Variants in MTUS2 observed in about 807,000 individuals in gnomAD.
The protein encoded by MTUS2 is microtubule-associated tumor suppressor candidate 2.
Under a neutral mutation model 114.1 loss-of-function variants are expected in MTUS2, and 40 were observed. The observed-to-expected ratio is 0.35, with a 90% confidence interval of 0.27 to 0.46. The LOEUF (loss-of-function observed/expected upper bound fraction) is 0.46, where lower values mean the gene tolerates loss of function less well. MTUS2 is among the 20% of genes least tolerant of loss of function. The probability of loss-of-function intolerance (pLI) is 1.00; values close to 1 mark genes in which losing one functional copy is unlikely to be tolerated. For synonymous variants in MTUS2, 688 were observed against 672.0 expected (o/e 1.02, Z -0.37); for missense variants, 1,679 against 1,705.4 (o/e 0.98, Z 0.27).
At chr13:29,235,303 G>A (rs562916161) in intron 5 of MTUS2, among the ~76,000 whole-genome samples, 1 of 152,066 alleles carries the variant, frequency 6.6e-6, no homozygotes, top group African/African-American at 2.4e-5. Context: ...ATGTTGGTCA[G>A]GCTAATCTCG....
intron 7 of MTUS2, among the ~76,000 whole-genome samples, chr13:29,350,728 C>G (rs1227866666): frequency 6.6e-6 from 1 of 151,650 alleles, no homozygotes; most frequent in African/African-American, 2.4e-5. Flanking sequence ...CTGAGAAATC[C>G]AAGATCAAGG....
At chr13:28,828,970 A>G (rs1032209410) in intron 1 of MTUS2, among the ~76,000 whole-genome samples, 5 of 152,190 alleles carry the variant, frequency 3.3e-5, no homozygotes, top group African/African-American at 9.7e-5. Flanking sequence ...GCATTAATAT[A>G]TTATTTATCT....
chr13:28,961,926 T>C (rs910375837), intron 2 of MTUS2, among the ~76,000 whole-genome samples: 12 of 152,152 alleles, frequency 7.9e-5, no homozygotes, highest in Non-Finnish European at 1.6e-4. Context: ...TGTCCATCAT[T>C]GGTTATCAGT....
At chr13:29,142,039 T>G (rs935562501) in intron 5 of MTUS2, among the ~76,000 whole-genome samples, 3 of 152,026 alleles carry the variant, frequency 2.0e-5, no homozygotes, top group Non-Finnish European at 4.4e-5. Flanking sequence ...TTTTTGTATT[T>G]TTAGTAGATA....
At chr13:29,230,826 CTA>C (rs1896294768) in intron 5 of MTUS2, among the ~76,000 whole-genome samples, 1 of 152,068 alleles carries the variant, frequency 6.6e-6, no homozygotes, top group Admixed American at 6.6e-5. Flanking sequence ...CAGTGAGTTC[CTA>C]TATTTGTGTT....
Position 29,009,939 on chromosome 13 carries a change from C to T in MTUS2, c.-242-14518C>T, listed in dbSNP as rs140644517. 1.5e-3 allele frequency among the ~76,000 whole-genome samples: 231 copies of T among 152,180 alleles called. 2 individuals are homozygous for T. The highest frequency in any genetic ancestry group is 7.3e-3 in the Admixed American group (112 of 15,282). On this transcript the variant is annotated intron_variant, in intron 2 of 15. Coordinates refer to ENST00000612955, the MANE Select transcript of MTUS2 (RefSeq NM_001033602.4). ...GATAAAAAGCTATAAAGGCCAGGCA[C>T]GGTGGCTCACTCCTGTAATCCCAGC...
At chr13:29,140,305 A>G (rs1440506254) in intron 5 of MTUS2, among the ~76,000 whole-genome samples, 1 of 152,166 alleles carries the variant, frequency 6.6e-6, no homozygotes, top group Non-Finnish European at 1.5e-5. Context: ...TGGGAAGGTG[A>G]TCTTCTCACA....
chr13:29,140,020 G>A (rs1248447214), intron 5 of MTUS2, among the ~76,000 whole-genome samples: 3 of 152,198 alleles, frequency 2.0e-5, no homozygotes, highest in South Asian at 4.1e-4. Flanking sequence ...GTGGTTGTCA[G>A]CGTTGAGAAT....
intron 5 of MTUS2, among the ~76,000 whole-genome samples, chr13:29,116,627 C>T (rs1288007337): frequency 6.6e-6 from 1 of 152,014 alleles, no homozygotes; most frequent in African/African-American, 2.4e-5. Context: ...AATAATATGC[C>T]AGCCCGTCAC....
chr13:29,086,698 G>C (rs188155713), intron 4 of MTUS2, among the ~76,000 whole-genome samples: 2 of 152,252 alleles, frequency 1.3e-5, no homozygotes, highest in African/African-American at 4.8e-5. Flanking sequence ...CATTGAATCT[G>C]TAATTGCTTT....
At chr13:29,423,160 A>C (rs1876246275) in intron 8 of MTUS2, among the ~76,000 whole-genome samples, 1 of 152,180 alleles carries the variant, frequency 6.6e-6, no homozygotes, top group South Asian at 2.1e-4. Flanking sequence ...TTTAGGCCCC[A>C]GCCTCTGAAA....
At chr13:29,495,194 A>C (rs1468952284) in intron 12 of MTUS2, among the ~76,000 whole-genome samples, 7 of 148,574 alleles carry the variant, frequency 4.7e-5, no homozygotes, top group South Asian at 2.2e-4. Flanking sequence ...AAAAAAAAAA[A>C]AAAAAAAAAA....
intron 4 of MTUS2, among the ~76,000 whole-genome samples, chr13:29,036,338 T>C (rs184772865): frequency 4.0e-4 from 61 of 152,270 alleles, no homozygotes; most frequent in Admixed American, 8.5e-4. Context: ...TTGGCACTTT[T>C]TGATAATTAT....
intron 9 of MTUS2, among the ~76,000 whole-genome samples, chr13:29,457,379 A>G (rs979985017): frequency 3.3e-5 from 5 of 151,764 alleles, no homozygotes; most frequent in African/African-American, 1.2e-4. Flanking sequence ...CTGTTCTTGG[A>G]TTTCATATGG....
chr13:28,968,650 T>C (rs551330216), intron 2 of MTUS2, among the ~76,000 whole-genome samples: 113 of 152,328 alleles, frequency 7.4e-4, no homozygotes, highest in African/African-American at 2.6e-3. Flanking sequence ...AAAATTTTCA[T>C]GTCCTATTTA....
At chr13:29,203,451 G>T (rs974651917) in intron 5 of MTUS2, among the ~76,000 whole-genome samples, 1 of 151,984 alleles carries the variant, frequency 6.6e-6, no homozygotes, top group Admixed American at 6.5e-5. Context: ...GCTGGGCTCC[G>T]TGGGGGTGGG....
At chr13:29,201,175 T>A (rs938529255) in intron 5 of MTUS2, among the ~76,000 whole-genome samples, 4 of 152,158 alleles carry the variant, frequency 2.6e-5, no homozygotes, top group Admixed American at 2.6e-4. Flanking sequence ...AGAACTTGCT[T>A]TATGAATCTG....
At chr13:29,488,065 G>GCTCCACACAT in intron 11 of MTUS2, 60 bp downstream of exon 11, 2 of 1,313,492 alleles carry the variant, frequency 1.5e-6, no homozygotes, top group Non-Finnish European at 2.2e-6. Flanking sequence ...AGCCTTTCCT[G>GCTCCACACAT]CTGCAGATGT....
At chr13:29,145,200 T>C (rs541071267) in intron 5 of MTUS2, among the ~76,000 whole-genome samples, 1 of 152,286 alleles carries the variant, frequency 6.6e-6, no homozygotes, top group Non-Finnish European at 1.5e-5. Flanking sequence ...AATTTACATA[T>C]GTCTTAAATA....
Sources: allele counts gnomAD v4.1 joint callset (sites outside exome capture counted in the v4.1 genomes callset), GRCh38; gene constraint gnomAD v4.1.1; transcripts MANE v1.5; gene names NCBI Gene and HGNC (gene_info 2026-07-23, HGNC 2026-07-21).